Variants in SPACA6 observed in about 807,000 individuals in gnomAD.
The protein encoded by SPACA6 is sperm acrosome associated 6.
For missense variants in SPACA6, 8 were observed against 2.8 expected (o/e 2.88, Z -1.34); for synonymous variants, 6 against 1.5 (o/e 4.05, Z -2.21).
chr19:51,693,697 G>A lies in SPACA6; in HGVS notation c.171G>A (p.Glu57=), dbSNP rs1420656311. The A allele has an allele frequency of 4.9e-6, 2 of 407,898 alleles. No homozygotes were observed. Among genetic ancestry groups the A allele is most frequent in the Non-Finnish European group, 8.7e-6 (2 of 229,982 alleles). The allele number at this position is 407,898 out of a possible 1,614,324, so 25.3% of individuals were successfully genotyped here. The change falls in exon 1 of 9, where the codon GAG becomes GAA. Residue 57 remains glutamate (E), a synonymous_variant. Coordinates refer to ENST00000637797, the MANE Select transcript of SPACA6 (RefSeq NM_001316972.2). ...GCCCCAAGCTTGAAGAGTGTGAGGAGGCCTTCACGGCCGCCTTCCAGGGCC... is the reference window on the plus strand; with the variant it reads ...GCCCCAAGCTTGAAGAGTGTGAGGAAGCCTTCACGGCCGCCTTCCAGGGCC... The part of the protein sequence containing the change: ...MRSPKLEECE[E]AFTAAFQGLS...
upstream of SPACA6, among the ~76,000 whole-genome samples, chr19:51,684,808 C>T (rs2083321137): frequency 6.6e-6 from 1 of 152,188 alleles, no homozygotes; most frequent in Non-Finnish European, 1.5e-5. Context: ...CCACATGAGG[C>T]CCATGGGCTG....
chr19:51,702,470 T>G (rs1328297311), intron 3 of SPACA6, 159 bp from the exon 4 acceptor site: 4 of 392,510 alleles, frequency 1.0e-5, no homozygotes, highest in Non-Finnish European at 1.8e-5. Context: ...CGGCCCCAGG[T>G]GGAACCCAGC....
intron 2 of SPACA6, chr19:51,711,968 G>T (rs1036176239): frequency 6.6e-6 from 1 of 152,118 alleles, no homozygotes; most frequent in African/African-American, 2.4e-5. Flanking sequence ...TTAGATTATG[G>T]TGGTGGCTGT....
upstream of SPACA6, among the ~76,000 whole-genome samples, chr19:51,688,798 A>T (rs1437779911): frequency 1.3e-5 from 2 of 151,972 alleles, no homozygotes; most frequent in African/African-American, 4.8e-5. Flanking sequence ...GGGCGAAAGG[A>T]AGGACAGATG....
At chr19:51,709,449 G>A (rs1232931613), downstream of SPACA6, among the ~76,000 whole-genome samples, 1 of 150,272 alleles carries the variant, frequency 6.7e-6, no homozygotes, top group African/African-American at 2.5e-5. Context: ...CCCGTGAGGC[G>A]GAGGTTGCAG....
upstream of SPACA6, among the ~76,000 whole-genome samples, chr19:51,692,132 C>A (rs912238281): frequency 6.6e-6 from 1 of 152,124 alleles, no homozygotes; most frequent in Non-Finnish European, 1.5e-5. The surrounding 1 kb of genome is among the most constrained non-coding windows in gnomAD (Gnocchi z 5.6). Flanking sequence ...GGTTGGCTAG[C>A]CCCTGGCCTC....
chr19:51,709,489 C>G (rs1303378819), downstream of SPACA6, among the ~76,000 whole-genome samples: 1 of 137,570 alleles, frequency 7.3e-6, no homozygotes, highest in Non-Finnish European at 1.5e-5. Flanking sequence ...TGCACTCCAG[C>G]CTGGGCAAAA....
At position 51,703,631 on chromosome 19, in the gene SPACA6, T is replaced by G. The variant is rs1196190102; in HGVS notation, c.573+294T>G. Among the ~76,000 whole-genome samples the G allele has an allele frequency of 6.6e-6, 1 of 151,978 alleles. No individual in the cohort carries two copies. The highest frequency in any genetic ancestry group is 1.5e-5 in the Non-Finnish European group (1 of 67,968). On this transcript the variant is annotated intron_variant, in intron 6 of 8. Coordinates refer to ENST00000637797, the MANE Select transcript of SPACA6 (RefSeq NM_001316972.2). This position sits in a 1 kb window ranked among gnomAD's most constrained non-coding sequence, Gnocchi z 4.2. ...CGGCAACAAATTAAGACCCCTCCTC[T>G]GCCAAAAAATTTTAAAAACAGCCGG...
chr19:51,710,457 A>G (rs2083536654), intron 2 of SPACA6, among the ~76,000 whole-genome samples: 1 of 152,202 alleles, frequency 6.6e-6, no homozygotes, highest in Non-Finnish European at 1.5e-5. Flanking sequence ...AGTTCTGTTT[A>G]CTGAGATAGA....
downstream of SPACA6, among the ~76,000 whole-genome samples, chr19:51,707,580 C>T (rs550848504): frequency 1.2e-4 from 19 of 152,286 alleles, no homozygotes; most frequent in South Asian, 3.9e-3. Flanking sequence ...ATTCTACCTC[C>T]TGCCCCCATA....
At chr19:51,691,040 C>A (rs559400879), upstream of SPACA6, among the ~76,000 whole-genome samples, 5 of 150,300 alleles carry the variant, frequency 3.3e-5, no homozygotes, top group South Asian at 2.1e-4. Context: ...GACCCGTCTC[C>A]GGCCCCCGCC....
chr19:51,694,238 G>A (rs2083405653), intron 1 of SPACA6: 1 of 367,610 alleles, frequency 2.7e-6, no homozygotes, highest in East Asian at 3.9e-5. Flanking sequence ...CCAGAGAGAG[G>A]AGGACAGAGA....
chr19:51,693,243 G>A (rs578089776), upstream of SPACA6: 42 of 672,726 alleles, frequency 6.2e-5, no homozygotes, highest in African/African-American at 3.3e-4. Context: ...CCGGGCCACC[G>A]CACACCATGT....
At chr19:51,691,479 G>A (rs979046151), upstream of SPACA6, among the ~76,000 whole-genome samples, 7 of 151,148 alleles carry the variant, frequency 4.6e-5, no homozygotes, top group African/African-American at 1.5e-4. Context: ...AGGGGGAGAA[G>A]GGGAGGATGA....
At chr19:51,701,844 G>A (rs1305107425) in intron 3 of SPACA6, 118 bp downstream of exon 3, 3 of 382,028 alleles carry the variant, frequency 7.9e-6, no homozygotes, top group Non-Finnish European at 9.3e-6. Flanking sequence ...AGGCTGAGGC[G>A]GGCAGATCAC....
chr19:51,711,227 G>A (rs1231998177), intron 2 of SPACA6, among the ~76,000 whole-genome samples: 1 of 152,216 alleles, frequency 6.6e-6, no homozygotes, highest in African/African-American at 2.4e-5. Context: ...GACAAGAGCA[G>A]TTTCTATGGA....
intron 2 of SPACA6, among the ~76,000 whole-genome samples, chr19:51,697,251 T>C (rs557449216): frequency 3.7e-4 from 56 of 152,244 alleles, no homozygotes; most frequent in African/African-American, 1.3e-3. Flanking sequence ...TGACCTGGGA[T>C]TTAACAAGAT....
At chr19:51,702,479 G>T (rs2083476579) in intron 3 of SPACA6, 150 bp from the exon 4 acceptor site, 6 of 392,472 alleles carry the variant, frequency 1.5e-5, no homozygotes, top group Non-Finnish European at 4.5e-6. Context: ...GTGGAACCCA[G>T]CCGGCTTGAC....
chr19:51,694,196 G>A (rs12462046), intron 1 of SPACA6: 33 of 326,858 alleles, frequency 1.0e-4, no homozygotes, highest in African/African-American at 6.8e-4. Flanking sequence ...GACTCAGAGG[G>A]TGGAAGATGG....
Sources: gnomAD v4.1 joint callset for allele counts (sites outside exome capture counted in the v4.1 genomes callset) on GRCh38, gnomAD v4.1.1 for gene constraint, Gnocchi (gnomAD v3.1) non-coding constraint, MANE v1.5 for transcripts, NCBI Gene and HGNC (gene_info 2026-07-23, HGNC 2026-07-21) for gene names.